PCCB: variants seen among roughly 807,000 people sequenced by gnomAD.
The protein encoded by PCCB is propionyl-CoA carboxylase beta chain, mitochondrial.
Under a neutral mutation model 60.7 loss-of-function variants are expected in PCCB, and 43 were observed. The observed-to-expected ratio is 0.71, with a 90% CI of 0.55 to 0.91. The LOEUF is 0.91. Among genes scored for constraint, PCCB ranks in the 40% least tolerant of loss-of-function variants. The pLI, the probability that PCCB is intolerant of heterozygous loss-of-function variation, is 0.00. For synonymous variants in PCCB, 276 were observed against 255.9 expected, an observed-to-expected ratio of 1.08 and a Z score of -0.75; for missense variants, 766 against 702.8, an observed-to-expected ratio of 1.09 and a Z score of -1.02.
chr3:136,250,640 C>T, intron 1 of PCCB, 82 bp downstream of exon 1: 2 of 1,385,646 alleles, frequency 1.4e-6, no homozygotes, highest in Non-Finnish European at 9.8e-7. Flanking sequence ...GCGTCCGAGG[C>T]CTCCCTGCCA....
chr3:136,317,212 ATTTTTTTTTTTTT>A (rs397694948), intron 10 of PCCB, 148 bp downstream of exon 10: 145 of 259,656 alleles, frequency 5.6e-4, no homozygotes, highest in Middle Eastern at 1.0e-3. Flanking sequence ...ATAAAAGCTA[ATTTTTTTTTTTTT>A]TTTTTTTTTT....
At chr3:136,267,386 G>T (rs1321737616) in intron 5 of PCCB, among the ~76,000 whole-genome samples, 2 of 151,992 alleles carry the variant, frequency 1.3e-5, no homozygotes, top group East Asian at 3.9e-4. Context: ...GTAGAGATGG[G>T]GTCTTACTAC....
At chr3:136,277,787 TAA>T (rs2108172919) in intron 5 of PCCB, among the ~76,000 whole-genome samples, 1 of 152,284 alleles carries the variant, frequency 6.6e-6, no homozygotes, top group South Asian at 2.1e-4. Flanking sequence ...TGCACTGGGC[TAA>T]GTTCCAGGCA....
intron 8 of PCCB, among the ~76,000 whole-genome samples, chr3:136,299,297 CAT>C (rs1007973805): frequency 2.6e-5 from 4 of 151,584 alleles, no homozygotes; most frequent in East Asian, 1.9e-4. Flanking sequence ...TACGTATATG[CAT>C]ATATATGTAT....
intron 5 of PCCB, among the ~76,000 whole-genome samples, chr3:136,262,962 T>C (rs1304465621): frequency 1.3e-5 from 2 of 150,004 alleles, no homozygotes; most frequent in East Asian, 3.9e-4. Context: ...AGGTTTTTTT[T>C]TTTTTTTTTT....
Position 136,323,004 on chromosome 3 carries a change from T to TG in PCCB, c.1091-3799_1091-3798insG, listed in dbSNP as rs1196665608. 2.9e-4 allele frequency among the ~76,000 whole-genome samples: 44 copies of TG among 151,862 alleles called. 1 individual carries two copies. Among genetic ancestry groups the TG allele is most frequent in the African/African-American group, 1.0e-3 (43 of 41,512 alleles). On this transcript the variant is annotated intron_variant, in intron 10 of 14. Transcript: ENST00000251654. ...GATTTCTTGTAAATGATGAGTTTTT[T>TG]TTTTTTTTTTTTGCTGCTTTTAAGA...
chr3:136,277,078 A>C (rs746343967), intron 5 of PCCB, among the ~76,000 whole-genome samples: 19 of 152,222 alleles, frequency 1.2e-4, no homozygotes, highest in Non-Finnish European at 2.4e-4. Flanking sequence ...CAAGTCTCCC[A>C]GCAAGGGATA....
chr3:136,312,974 C>T lies in PCCB; in HGVS notation c.967-3967C>T, dbSNP rs185926748. Reference sequence around the variant, plus strand: ...GCTCACAAAAAAGATATAAAATGGACCTTAAACATGTCAAAAGATTTTCAA... The same window carrying T: ...GCTCACAAAAAAGATATAAAATGGATCTTAAACATGTCAAAAGATTTTCAA... On this transcript the variant is annotated intron_variant, in intron 9 of 14. Coordinates refer to ENST00000251654, the MANE Select transcript of PCCB (RefSeq NM_000532.5). 2.0e-4 allele frequency among the ~76,000 whole-genome samples: 30 copies of T among 152,190 alleles called. No homozygotes were observed. In the East Asian group the frequency reaches 5.8e-3, roughly 29 times the overall value.
Position 136,329,285 on chromosome 3 carries a change from A to T in PCCB, c.1498+428A>T, listed in dbSNP as rs188639521. ...TTCTGTGGCTTGACCGGGGCTTGAC[A>T]GTCCAAAATGGCGTCACTTACTTGG... On this transcript the variant is annotated intron_variant, in intron 14 of 14. Transcript: ENST00000251654. 3.9e-5 allele frequency among the ~76,000 whole-genome samples: 6 copies of T among 152,324 alleles called. No homozygotes were observed. The East Asian group carries it at 9.7e-4, about 25-fold the overall frequency.
intron 6 of PCCB, among the ~76,000 whole-genome samples, chr3:136,287,699 G>A (rs932531090): frequency 9.2e-5 from 14 of 152,190 alleles, no homozygotes; most frequent in African/African-American, 4.8e-5. Context: ...GCCTCCTAAA[G>A]TGCTGGGAGT....
chr3:136,282,336 G>A (rs929369249), intron 5 of PCCB, among the ~76,000 whole-genome samples: 1 of 152,192 alleles, frequency 6.6e-6, no homozygotes, highest in African/African-American at 2.4e-5. Flanking sequence ...CAGCTGAATA[G>A]TTGTTTTGAT....
At chr3:136,301,876 G>A (rs1221273446) in intron 9 of PCCB, among the ~76,000 whole-genome samples, 3 of 152,164 alleles carry the variant, frequency 2.0e-5, no homozygotes, top group African/African-American at 7.2e-5. Flanking sequence ...GCAGGGGCAC[G>A]TGCAATCACT....
At chr3:136,299,949 TAC>T (rs1285264938) in intron 8 of PCCB, among the ~76,000 whole-genome samples, 2 of 151,954 alleles carry the variant, frequency 1.3e-5, no homozygotes, top group Non-Finnish European at 2.9e-5. Flanking sequence ...CGCATATGCA[TAC>T]ATATATACAT....
chr3:136,259,130 A>G, intron 3 of PCCB: 4 of 1,450,476 alleles, frequency 2.8e-6, no homozygotes, highest in Non-Finnish European at 3.6e-6. Context: ...CAGAAGAAGC[A>G]GTGAGAGCTC....
intron 9 of PCCB, among the ~76,000 whole-genome samples, chr3:136,301,422 G>A (rs1281536828): frequency 6.6e-6 from 1 of 152,130 alleles, no homozygotes; most frequent in African/African-American, 2.4e-5. Context: ...AGAGTCTAGA[G>A]TGAGGCCAGA....
In PCCB at chr3:136,255,917, G is replaced by C. The variant is rs1280831909; in HGVS notation, c.245G>C (p.Ser82Thr). The C allele has an allele frequency of 1.2e-6, 2 of 1,614,086 alleles. No homozygotes were observed. The highest frequency in any genetic ancestry group is 2.7e-5 in the African/African-American group (2 of 74,944). Residue 82 changes from serine to threonine, a missense_variant, in exon 2 of 15, where the codon AGC (serine) becomes ACC (threonine). By Grantham distance (58) the Ser-to-Thr change is moderately conservative. Transcript: ENST00000251654. ...LLLDPGSFVE[S>T]DMFVEHRCAD... The stretch of plus-strand genomic sequence containing the variant: ...CTGGACCCTGGCAGCTTTGTTGAGA[G>C]CGACATGTTTGTGGAACACAGATGT...
intron 10 of PCCB, among the ~76,000 whole-genome samples, chr3:136,325,103 T>A (rs1560032636): frequency 6.6e-6 from 1 of 152,206 alleles, no homozygotes; most frequent in Non-Finnish European, 1.5e-5. Flanking sequence ...TTGGCCAGGC[T>A]GGTCTTGAAC....
chr3:136,255,707 A>G, intron 1 of PCCB, 149 bp from the exon 2 acceptor site: 3 of 747,352 alleles, frequency 4.0e-6, no homozygotes, highest in Non-Finnish European at 4.9e-6. Flanking sequence ...AATAACACCT[A>G]TCTGCCTTGG....
intron 10 of PCCB, among the ~76,000 whole-genome samples, chr3:136,320,141 A>C (rs962996825): frequency 6.6e-6 from 1 of 152,214 alleles, no homozygotes; most frequent in Non-Finnish European, 1.5e-5. Context: ...GTGTCTTCCA[A>C]CTTTATTGTT....
Sources: allele counts gnomAD v4.1 joint callset (sites outside exome capture counted in the v4.1 genomes callset), GRCh38; gene constraint gnomAD v4.1.1; transcripts MANE v1.5; gene names NCBI Gene and HGNC (gene_info 2026-07-23, HGNC 2026-07-21).